Variants in DLGAP1 observed in about 807,000 individuals in gnomAD.
DLGAP1 encodes DLG associated protein 1, also known as disks large-associated protein 1.
DLGAP1 carries 11 observed loss-of-function variants against 90.8 expected under a neutral mutation model. The ratio of observed to expected loss-of-function variants is 0.12; its 90% CI spans 0.08 to 0.20. The LOEUF (loss-of-function observed/expected upper bound fraction) is 0.20. DLGAP1 is among the 10% of genes least tolerant of loss of function. The pLI is 1.00. For missense variants in DLGAP1, 1,050 were observed against 1,333.8 expected (o/e 0.79, Z 3.31); for synonymous variants, 558 against 540.7 (o/e 1.03, Z -0.44).
rs71160911 is a variant in DLGAP1 at position 3,684,356 on chromosome 18, A to ATTTT, written c.1591+44775_1591+44778dup. 1.4e-3 allele frequency among the ~76,000 whole-genome samples: 149 copies of ATTTT among 109,244 alleles called. 2 individuals carry two copies. Among genetic ancestry groups the ATTTT allele is most frequent in the African/African-American group, 5.3e-3 (143 of 27,112 alleles). The allele number at this position is 109,244 out of a possible 152,430, so 71.7% of individuals were successfully genotyped here. On this transcript the variant is annotated intron_variant, in intron 7 of 12. Coordinates refer to ENST00000315677, the MANE Select transcript of DLGAP1 (RefSeq NM_004746.4). ...AAGGATGCACCACCATGCCTGGCTA[A>ATTTT]TTTTTTTTTTTTTTTTTTTTTTTAG...
intron 5 of DLGAP1, among the ~76,000 whole-genome samples, chr18:3,758,732 GTCATGCATATGAC>G (rs1171215625): frequency 3.9e-5 from 6 of 152,086 alleles, no homozygotes; most frequent in African/African-American, 1.2e-4. Context: ...AGTTGGATTA[GTCATGCATATGAC>G]TCATGCATAT....
chr18:3,534,461 T>C lies in DLGAP1; in HGVS notation c.2212A>G (p.Thr738Ala), dbSNP rs1044697857. The C allele has an allele frequency of 1.2e-6, 2 of 1,614,048 alleles. No homozygotes were observed. The highest frequency in any genetic ancestry group is 2.7e-5 in the African/African-American group (2 of 74,918). Reference protein sequence around the residue: ...RQFSRDASTSTVSIQGSGNHY... With the variant: ...RQFSRDASTSAVSIQGSGNHY... ...TTTCCTGAGCCCTGAATGCTGACTG[T>C]GGAGGTGCTGGCATCGCGGGAGAAC... The change falls in exon 10 of 13, where the codon ACA becomes GCA. Residue 738 changes from threonine to alanine, a missense_variant. Thr to Ala is a moderately conservative substitution (Grantham distance 58, BLOSUM62 0). This residue lies in a region of DLGAP1 where 565 missense variants were observed against 879.7 expected (regional missense o/e 0.64). Coordinates refer to ENST00000315677, the MANE Select transcript of DLGAP1 (RefSeq NM_004746.4).
intron 2 of DLGAP1, among the ~76,000 whole-genome samples, chr18:4,092,734 C>T (rs2075789655): frequency 6.6e-6 from 1 of 152,092 alleles, no homozygotes; most frequent in African/African-American, 2.4e-5. Flanking sequence ...CCTCCAGGCT[C>T]ACACCACCTA....
At chr18:4,372,611 C>T (rs779274484) in intron 1 of DLGAP1, among the ~76,000 whole-genome samples, 4 of 152,096 alleles carry the variant, frequency 2.6e-5, no homozygotes, top group Non-Finnish European at 5.9e-5. Context: ...GAAACAAAAG[C>T]AGAGGAAAAC....
chr18:4,105,623 T>C (rs1480008772), intron 2 of DLGAP1, among the ~76,000 whole-genome samples: 1 of 152,230 alleles, frequency 6.6e-6, no homozygotes, highest in Non-Finnish European at 1.5e-5. Flanking sequence ...AAGAAACATG[T>C]AAATGGCAGA....
chr18:3,558,860 G>A (rs1352967460), intron 9 of DLGAP1, among the ~76,000 whole-genome samples: 1 of 152,082 alleles, frequency 6.6e-6, no homozygotes, highest in Non-Finnish European at 1.5e-5. Context: ...AAATACTAAT[G>A]TTTAACCCTG....
At chr18:4,343,765 T>A (rs1420344613) in intron 1 of DLGAP1, among the ~76,000 whole-genome samples, 1 of 152,158 alleles carries the variant, frequency 6.6e-6, no homozygotes, top group Non-Finnish European at 1.5e-5. Context: ...AACCTGCACG[T>A]TCTGCACATG....
chr18:3,777,210 C>T (rs955604930), intron 5 of DLGAP1, among the ~76,000 whole-genome samples: 1 of 152,104 alleles, frequency 6.6e-6, no homozygotes, highest in African/African-American at 2.4e-5. Flanking sequence ...TCTTTTTAAA[C>T]ACCCATTCAT....
At chr18:4,006,798 A>G (rs939331432) in intron 2 of DLGAP1, among the ~76,000 whole-genome samples, 4 of 151,856 alleles carry the variant, frequency 2.6e-5, no homozygotes, top group African/African-American at 9.7e-5. Flanking sequence ...GGGACCTACC[A>G]CCATACCTGG....
intron 2 of DLGAP1, among the ~76,000 whole-genome samples, chr18:4,011,553 A>G (rs778011741): frequency 2.1e-4 from 32 of 151,846 alleles, no homozygotes; most frequent in Non-Finnish European, 3.8e-4. Context: ...ATGGTGGCTC[A>G]TGTCTGTAAT....
rs552437043 is a variant in DLGAP1 at position 3,653,123 on chromosome 18, T to G, written c.1592-70875A>C. Among the ~76,000 whole-genome samples the G allele has an allele frequency of 6.6e-6, 1 of 152,338 alleles. No individual in the cohort carries two copies. Among genetic ancestry groups the G allele is most frequent in the Non-Finnish European group, 1.5e-5 (1 of 68,034 alleles). On this transcript the variant is annotated intron_variant, in intron 7 of 12. Transcript: ENST00000315677. This position sits in a 1 kb window ranked among gnomAD's most constrained non-coding sequence, Gnocchi z 4.6. Reference sequence around the variant, plus strand: ...TTTTGGCCCTACTGGTGAAAATATGTAGACCTAACATCTATCTCCCTGCTC... The same window carrying G: ...TTTTGGCCCTACTGGTGAAAATATGGAGACCTAACATCTATCTCCCTGCTC...
intron 1 of DLGAP1, among the ~76,000 whole-genome samples, chr18:4,171,057 T>C (rs1341409624): frequency 6.6e-6 from 1 of 150,938 alleles, no homozygotes; most frequent in Non-Finnish European, 1.5e-5. Flanking sequence ...TTCATATTTT[T>C]AAATCCTCCA....
At chr18:4,259,156 C>T (rs917229792) in intron 1 of DLGAP1, among the ~76,000 whole-genome samples, 4 of 152,218 alleles carry the variant, frequency 2.6e-5, no homozygotes, top group Admixed American at 6.5e-5. Context: ...CCAGATAGTA[C>T]GTAGTTAACA....
At chr18:3,721,823 A>C (rs1433711382) in intron 7 of DLGAP1, 1 of 152,204 alleles carries the variant, frequency 6.6e-6, no homozygotes, top group Non-Finnish European at 1.5e-5. Context: ...TGGCCTGGTC[A>C]AGTTGTGTAA....
In DLGAP1 at chr18:3,499,063, C is replaced by G. The variant is rs1314448131; in HGVS notation, c.*122G>C. 1.1e-6 allele frequency: 1 copy of G among 892,146 alleles called. No individual in the cohort carries two copies. The highest frequency in any genetic ancestry group is 1.6e-6 in the Non-Finnish European group (1 of 617,890). The allele number at this position is 892,146 out of a possible 1,614,324, so 55.3% of individuals were successfully genotyped here. A position where few individuals can be genotyped will look rare whatever the true frequency, so the allele number is the denominator to read the frequency against. On this transcript the variant is annotated 3_prime_UTR_variant, in exon 13 of 13. Coordinates refer to ENST00000315677, the MANE Select transcript of DLGAP1 (RefSeq NM_004746.4). The surrounding 1 kb of genome is among the most constrained non-coding windows in gnomAD (Gnocchi z 6.4). ...TCCTGCGAGGTGGACAACTACACCG[C>G]GACAGTGGAAGTCACCGAGCTCGGG...
At position 3,499,260 on chromosome 18, in the gene DLGAP1, G is replaced by A; in HGVS notation, c.2859C>T (p.Ser953=). 6.2e-7 allele frequency: 1 copy of A among 1,600,666 alleles called. No homozygotes were observed. Residue 953 remains serine (S), a synonymous_variant, in exon 13 of 13, where the codon TCC becomes TCT. Transcript: ENST00000315677. The surrounding 1 kb of genome is among the most constrained non-coding windows in gnomAD (Gnocchi z 6.4). ...TCTCGGTGGCCGAGTTCTGGCGGAC[G>A]GACGCGGCGCGCTTGGCGGCCATCA... ...KRLMAAKRAA[S]VRQNSATESA... is the part of the protein sequence containing the mutation.
At chr18:4,333,963 G>T (rs950325500) in intron 1 of DLGAP1, among the ~76,000 whole-genome samples, 1 of 151,412 alleles carries the variant, frequency 6.6e-6, no homozygotes, top group African/African-American at 2.4e-5. Flanking sequence ...CTCAGGCCAG[G>T]TGCGGTGGCT....
intron 1 of DLGAP1, among the ~76,000 whole-genome samples, chr18:4,351,328 C>T (rs1240617943): frequency 2.0e-5 from 3 of 152,062 alleles, no homozygotes; most frequent in East Asian, 1.9e-4. Context: ...GAAAATTAAG[C>T]GCAACATATT....
intron 7 of DLGAP1, among the ~76,000 whole-genome samples, chr18:3,586,706 TC>T (rs1220841507): frequency 3.3e-5 from 5 of 152,174 alleles, no homozygotes; most frequent in African/African-American, 9.7e-5. Flanking sequence ...ATTTTCCAAT[TC>T]TTCTGCACTC....
Sources: allele counts gnomAD v4.1 joint callset (sites outside exome capture counted in the v4.1 genomes callset), GRCh38; gene constraint gnomAD v4.1.1; regional missense constraint gnomAD v4.1.1; non-coding constraint Gnocchi (gnomAD v3.1); transcripts MANE v1.5; gene names NCBI Gene and HGNC (gene_info 2026-07-23, HGNC 2026-07-21).